Variants in BLTP2 observed in about 807,000 individuals in gnomAD.
BLTP2 encodes the protein bridge-like lipid transfer protein family member 2.
the BLTP2 span, chr17:28,635,152 A>G: frequency 1.2e-6 from 2 of 1,613,598 alleles, no homozygotes; most frequent in East Asian, 4.5e-5. Flanking sequence ...ACGGTTCCGG[A>G]GGGTCTGCAG....
At chr17:28,644,589 T>G in the BLTP2 span, among the ~76,000 whole-genome samples, 1 of 152,150 alleles carries the variant, frequency 6.6e-6, no homozygotes, top group African/African-American at 2.4e-5. Context: ...AGAAGGCACT[T>G]TGAGGTCAGA....
At chr17:28,640,985 T>C in the BLTP2 span, among the ~76,000 whole-genome samples, 4 of 152,258 alleles carry the variant, frequency 2.6e-5, no homozygotes, top group African/African-American at 9.6e-5. Flanking sequence ...TCAGTCAAGT[T>C]ACCTAGCTAA....
chr17:28,621,532 G>A, the BLTP2 span: 1 of 1,522,948 alleles, frequency 6.6e-7, no homozygotes. Flanking sequence ...TTTAGCTCCT[G>A]GGAAAAGAGT....
At chr17:28,638,281 C>T in the BLTP2 span, 2 of 1,612,874 alleles carry the variant, frequency 1.2e-6, no homozygotes, top group Non-Finnish European at 8.5e-7. Flanking sequence ...AGAACAAGTG[C>T]CTCACCCCAA....
chr17:28,640,552 G>C, the BLTP2 span: 1 of 1,613,988 alleles, frequency 6.2e-7, no homozygotes, highest in Non-Finnish European at 8.5e-7. Flanking sequence ...TGTCAGGAGA[G>C]ACCTCACCTC....
the BLTP2 span, among the ~76,000 whole-genome samples, chr17:28,644,610 C>A: frequency 6.6e-6 from 1 of 152,294 alleles, no homozygotes; most frequent in African/African-American, 2.4e-5. Context: ...CCCGGCAGCT[C>A]GAATGCTGTT....
the BLTP2 span, among the ~76,000 whole-genome samples, chr17:28,630,889 A>C: frequency 2.0e-5 from 3 of 152,306 alleles, no homozygotes; most frequent in African/African-American, 4.8e-5. Context: ...AAAAAATTTT[A>C]CTCTATTTCC....
At chr17:28,631,581 T>C in the BLTP2 span, 51 of 1,613,988 alleles carry the variant, frequency 3.2e-5, no homozygotes, top group Non-Finnish European at 4.2e-5. Context: ...CAGCATTCTC[T>C]TCAGTGGGTG....
the BLTP2 span, chr17:28,621,192 A>T: frequency 6.2e-7 from 1 of 1,609,086 alleles, no homozygotes; most frequent in Non-Finnish European, 8.5e-7. Flanking sequence ...TGGGAAAGAG[A>T]TAAGAAAAAG....
At chr17:28,638,634 G>T in the BLTP2 span, 1 of 1,601,254 alleles carries the variant, frequency 6.2e-7, no homozygotes, top group South Asian at 1.1e-5. Context: ...CAGGATTTGG[G>T]GGAAGGTTCT....
the BLTP2 span, chr17:28,639,852 T>C: frequency 6.2e-7 from 1 of 1,605,836 alleles, no homozygotes; most frequent in East Asian, 2.2e-5. Flanking sequence ...GCAAAGAGAG[T>C]ATCTAGTCCT....
the BLTP2 span, chr17:28,619,584 A>G: frequency 6.3e-7 from 1 of 1,599,124 alleles, no homozygotes. Context: ...GACAGTCAAA[A>G]CATGGGCAAG....
At chr17:28,623,852 T>G in the BLTP2 span, 1 of 1,614,200 alleles carries the variant, frequency 6.2e-7, no homozygotes, top group Non-Finnish European at 8.5e-7. Context: ...GTCCAGGATG[T>G]CTTTTGCTTC....
the BLTP2 span, chr17:28,644,937 C>G: frequency 1.4e-6 from 2 of 1,473,766 alleles, no homozygotes; most frequent in Non-Finnish European, 1.9e-6. Context: ...CTCCTCTCCG[C>G]CCCCTCCCTC....
At chr17:28,634,407 C>A in the BLTP2 span, 5 of 1,098,446 alleles carry the variant, frequency 4.6e-6, no homozygotes, top group South Asian at 3.1e-5. Context: ...ACTCCACCCA[C>A]CCAAAACGGC....
chr17:28,620,866 GA>G, the BLTP2 span: 1 of 1,027,862 alleles, frequency 9.7e-7, no homozygotes, highest in Non-Finnish European at 1.5e-6. Flanking sequence ...AGAGCAAAGT[GA>G]AATGTTAATG....
At chr17:28,642,843 T>C in the BLTP2 span, 1 of 1,309,004 alleles carries the variant, frequency 7.6e-7, no homozygotes, top group Non-Finnish European at 1.1e-6. Context: ...ATAGGACGGC[T>C]AGATCCTCTG....
At chr17:28,628,406 T>C in the BLTP2 span, 1 of 1,614,182 alleles carries the variant, frequency 6.2e-7, no homozygotes, top group Non-Finnish European at 8.5e-7. Context: ...AGGGCCTCAG[T>C]AGAAAGATTA....
the BLTP2 span, chr17:28,633,857 C>A: frequency 6.2e-7 from 1 of 1,608,154 alleles, no homozygotes; most frequent in Non-Finnish European, 8.5e-7. Flanking sequence ...CCATCACAAA[C>A]GTCCCTCAGC....
Sources: gnomAD v4.1 joint callset for allele counts (sites outside exome capture counted in the v4.1 genomes callset) on GRCh38, gnomAD v4.1.1 for gene constraint, MANE v1.5 for transcripts, NCBI Gene and HGNC (gene_info 2026-07-23, HGNC 2026-07-21) for gene names.